Variants in TPST1 observed in about 807,000 individuals in gnomAD.
TPST1 encodes the protein tyrosylprotein sulfotransferase 1.
TPST1 carries 20 observed loss-of-function variants against 34.8 expected under a neutral mutation model. The ratio of observed to expected loss-of-function variants is 0.57; its 90% CI spans 0.40 to 0.84. The LOEUF (loss-of-function observed/expected upper bound fraction) is 0.84, where lower values mean the gene tolerates loss of function less well. Among genes scored for constraint, TPST1 ranks in the 40% least tolerant of loss-of-function variants. The probability of loss-of-function intolerance (pLI) is 0.00; values close to 1 mark genes in which losing one functional copy is unlikely to be tolerated. For missense variants in TPST1, 353 were observed against 455.5 expected (o/e 0.78, Z 2.05); for synonymous variants, 152 against 159.4 (o/e 0.95, Z 0.35).
intron 3 of TPST1, among the ~76,000 whole-genome samples, chr7:66,300,967 A>G (rs936253840): frequency 6.6e-6 from 1 of 151,966 alleles, no homozygotes; most frequent in African/African-American, 2.4e-5. Flanking sequence ...CAAAAAACAA[A>G]ACCAACTTGA....
At chr7:66,275,388 G>A (rs1790786868) in intron 2 of TPST1, among the ~76,000 whole-genome samples, 2 of 152,146 alleles carry the variant, frequency 1.3e-5, no homozygotes, top group South Asian at 2.1e-4. Flanking sequence ...TGTACCCAAA[G>A]GAATTGAAAT....
intron 2 of TPST1, among the ~76,000 whole-genome samples, chr7:66,280,102 G>A (rs1790903349): frequency 6.6e-6 from 1 of 152,200 alleles, no homozygotes; most frequent in Admixed American, 6.5e-5. Flanking sequence ...GCCCTTGTGG[G>A]CTGCAGACGG....
chr7:66,254,606 G>A (rs1367995050), intron 2 of TPST1, among the ~76,000 whole-genome samples: 46 of 152,120 alleles, frequency 3.0e-4, no homozygotes, highest in Non-Finnish European at 3.4e-4. Flanking sequence ...GTTTTGCCAT[G>A]TTTTCCAGGC....
Position 66,332,984 on chromosome 7 carries a change from G to A in TPST1, c.1045-19521G>A, listed in dbSNP as rs190459512. ...TGAAGTGGCACTGGGCTTAGTAAGGGTAAGAAAGCTAAGAGTGGCCTGAGG... is the reference window on the plus strand; with the variant it reads ...TGAAGTGGCACTGGGCTTAGTAAGGATAAGAAAGCTAAGAGTGGCCTGAGG... On this transcript the variant is annotated intron_variant, in intron 3 of 5. Coordinates refer to ENST00000304842, the MANE Select transcript of TPST1 (RefSeq NM_003596.4). The surrounding 1 kb of genome is among the most constrained non-coding windows in gnomAD (Gnocchi z 4.5). 1.9e-4 allele frequency among the ~76,000 whole-genome samples: 29 copies of A among 152,248 alleles called. No homozygotes were observed. The highest frequency in any genetic ancestry group is 3.5e-4 in the Non-Finnish European group (24 of 68,010).
Position 66,250,509 on chromosome 7 carries a change from G to GT in TPST1, c.845+9243dup, listed in dbSNP as rs144018984. 4.1e-3 allele frequency among the ~76,000 whole-genome samples: 618 copies of GT among 152,194 alleles called. 4 individuals are homozygous for GT. The highest frequency in any genetic ancestry group is 0.014 in the African/African-American group (588 of 41,518). On this transcript the variant is annotated intron_variant, in intron 2 of 5. Coordinates refer to ENST00000304842, the MANE Select transcript of TPST1 (RefSeq NM_003596.4). ...TATGTGACCTTGAGTGAGTTATTTG[G>GT]TTTTGTCTAGTCTTGGTTATCTCAT...
chr7:66,276,743 C>T (rs1398068211), intron 2 of TPST1, among the ~76,000 whole-genome samples: 1 of 151,740 alleles, frequency 6.6e-6, no homozygotes, highest in East Asian at 1.9e-4. Flanking sequence ...ATTTATGTAT[C>T]ATTTTCTCAG....
rs527860578 is a variant in TPST1 at position 66,231,691 on chromosome 7, G to A, written c.-101-8634G>A. The stretch of plus-strand genomic sequence containing the variant: ...ACTCCAGCTAGCCCGCAAGCACCAC[G>A]GGCAGCACTGGTTCCCGCTCGCGCC... On this transcript the variant is annotated intron_variant, in intron 1 of 5. Transcript: ENST00000304842. Among the ~76,000 whole-genome samples, 15 of 152,350 alleles carry A rather than the reference G, an allele frequency of 9.8e-5. No individual in the cohort carries two copies. The South Asian group carries it at 2.9e-3, about 29-fold the overall frequency.
chr7:66,346,516 C>G (rs549368711), intron 3 of TPST1, among the ~76,000 whole-genome samples: 1 of 152,220 alleles, frequency 6.6e-6, no homozygotes, highest in African/African-American at 2.4e-5. Context: ...TGGATAAAAG[C>G]CATTTTAACT....
At chr7:66,321,736 C>T (rs963582561) in intron 3 of TPST1, among the ~76,000 whole-genome samples, 10 of 152,206 alleles carry the variant, frequency 6.6e-5, no homozygotes, top group African/African-American at 2.4e-4. Context: ...TTCTACTTTG[C>T]CAATACCTTG....
chr7:66,327,533 G>T (rs538642710), intron 3 of TPST1, among the ~76,000 whole-genome samples: 5 of 151,992 alleles, frequency 3.3e-5, no homozygotes, highest in Non-Finnish European at 7.4e-5. Context: ...GACCAGGATG[G>T]GCAAAATGGC....
intron 3 of TPST1, among the ~76,000 whole-genome samples, chr7:66,313,852 T>G (rs1204147681): frequency 6.6e-6 from 1 of 151,558 alleles, no homozygotes; most frequent in Non-Finnish European, 1.5e-5. Context: ...GACTTTGTAG[T>G]TTTTTTTTCC....
At chr7:66,217,830 C>T (rs541738799) in intron 1 of TPST1, among the ~76,000 whole-genome samples, 10 of 151,184 alleles carry the variant, frequency 6.6e-5, no homozygotes, top group Non-Finnish European at 1.3e-4. Context: ...GTGATCCGCC[C>T]GCCTCGGCCT....
At chr7:66,214,943 A>G (rs2116242467) in intron 1 of TPST1, among the ~76,000 whole-genome samples, 1 of 122,366 alleles carries the variant, frequency 8.2e-6, no homozygotes, top group Admixed American at 8.8e-5. Context: ...TTTATATAAT[A>G]TATATTATAT....
Position 66,257,138 on chromosome 7 carries a change from G to A in TPST1, c.845+15868G>A, listed in dbSNP as rs118043192. Among the ~76,000 whole-genome samples the A allele has an allele frequency of 2.8e-3, 426 of 152,172 alleles. 16 individuals carry two copies. In the East Asian group the frequency reaches 0.076, roughly 27 times the overall value. On this transcript the variant is annotated intron_variant, in intron 2 of 5. Coordinates refer to ENST00000304842, the MANE Select transcript of TPST1 (RefSeq NM_003596.4). ...ATTTTTTTATTTTTAGTGGAGATAG[G>A]GTTTCGCTATGTTGCCCAGGCTGGT...
intron 5 of TPST1, 70 bp downstream of exon 5, chr7:66,356,941 A>C: frequency 6.6e-7 from 1 of 1,516,986 alleles, no homozygotes; most frequent in African/African-American, 1.4e-5. Flanking sequence ...CTGGGTGGCC[A>C]AGGTGGAGAG....
At chr7:66,276,283 T>G (rs1790808748) in intron 2 of TPST1, among the ~76,000 whole-genome samples, 1 of 149,766 alleles carries the variant, frequency 6.7e-6, no homozygotes. Flanking sequence ...CTCCTATTTT[T>G]CATTAAAGAC....
intron 2 of TPST1, among the ~76,000 whole-genome samples, chr7:66,249,158 C>T (rs571088710): frequency 2.0e-5 from 3 of 151,958 alleles, no homozygotes; most frequent in Admixed American, 2.0e-4. Context: ...CACAAACATT[C>T]AGTCCATAAT....
chr7:66,237,925 GTT>G (rs1355001405), intron 1 of TPST1, among the ~76,000 whole-genome samples: 4 of 152,104 alleles, frequency 2.6e-5, no homozygotes, highest in African/African-American at 7.2e-5. Context: ...GAGGAAGAGA[GTT>G]TTTATTTCTG....
intron 2 of TPST1, among the ~76,000 whole-genome samples, chr7:66,280,968 C>T (rs1460839046): frequency 6.6e-6 from 1 of 152,204 alleles, no homozygotes; most frequent in African/African-American, 2.4e-5. Flanking sequence ...GTGGGTTTGT[C>T]ATAGATATCA....
Sources: allele counts gnomAD v4.1 joint callset (sites outside exome capture counted in the v4.1 genomes callset), GRCh38; gene constraint gnomAD v4.1.1; non-coding constraint Gnocchi (gnomAD v3.1); transcripts MANE v1.5; gene names NCBI Gene and HGNC (gene_info 2026-07-23, HGNC 2026-07-21).